CDS2: variants seen among roughly 807,000 people sequenced by gnomAD.
CDS2 encodes the protein phosphatidate cytidylyltransferase 2.
In CDS2, 47 loss-of-function variants were observed where a neutral mutation model predicts 59.0. That is an observed-to-expected ratio of 0.80 (90% CI 0.63 to 1.02). CDS2 has a LOEUF of 1.02. Among genes scored for constraint, CDS2 ranks in the 50% least tolerant of loss-of-function variants. The pLI is 0.00. For missense variants in CDS2, 356 were observed against 558.9 expected, an observed-to-expected ratio of 0.64 and a Z score of 3.66; for synonymous variants, 207 against 206.4, an observed-to-expected ratio of 1.00 and a Z score of -0.02.
Position 5,196,060 on chromosome 20 carries a change from A to T in CDS2, c.*5826A>T, listed in dbSNP as rs981752187. 4 of 152,194 alleles carry T rather than the reference A, an allele frequency of 2.6e-5. No homozygotes were observed. Among genetic ancestry groups the T allele is most frequent in the South Asian group, 2.1e-4 (1 of 4,828 alleles). 9.4% of individuals were successfully genotyped at this position (152,194 alleles called of 1,614,324 possible). The stretch of plus-strand genomic sequence containing the variant: ...AGGTCAGTTGAATAATAACTGAACT[A>T]CTGGTTTGACTGTGGATTATTTCCT... On this transcript the variant is annotated 3_prime_UTR_variant, in exon 13 of 13. Coordinates refer to ENST00000460006, the MANE Select transcript of CDS2 (RefSeq NM_003818.4).
intron 1 of CDS2, among the ~76,000 whole-genome samples, chr20:5,150,092 T>C (rs2090776905): frequency 6.6e-6 from 1 of 152,200 alleles, no homozygotes; most frequent in Non-Finnish European, 1.5e-5. Flanking sequence ...GGGTGTGAAG[T>C]AGAGATCTAA....
At chr20:5,157,376 G>T (rs2090841487) in intron 1 of CDS2, among the ~76,000 whole-genome samples, 1 of 152,102 alleles carries the variant, frequency 6.6e-6, no homozygotes, top group South Asian at 2.1e-4. Context: ...ATGGTTTTAG[G>T]ACAAACATCT....
chr20:5,149,802 G>A (rs978005391), intron 1 of CDS2, among the ~76,000 whole-genome samples: 1 of 151,810 alleles, frequency 6.6e-6, no homozygotes, highest in East Asian at 1.9e-4. Context: ...TGCAACCTCC[G>A]CCCCCCGGGT....
chr20:5,160,543 T>C (rs188159250), intron 1 of CDS2, among the ~76,000 whole-genome samples: 260 of 152,298 alleles, frequency 1.7e-3, no homozygotes, highest in African/African-American at 6.0e-3. Context: ...TTTCTTACTG[T>C]GGCTAAATAT....
intron 5 of CDS2, among the ~76,000 whole-genome samples, chr20:5,180,779 C>T (rs1460275257): frequency 1.3e-5 from 2 of 152,114 alleles, no homozygotes; most frequent in Admixed American, 1.3e-4. Context: ...GACATTTCCC[C>T]CATCACTTTT....
rs566137669 is a variant in CDS2, at chr20:5,196,468, C to G, written c.*6234C>G. ...GCAGGGCCTAGCCTTTTGCAGCCCC[C>G]AGAGGACCTTGCCTGCATAAAGCAC... On this transcript the variant is annotated 3_prime_UTR_variant, in exon 13 of 13. Coordinates refer to ENST00000460006, the MANE Select transcript of CDS2 (RefSeq NM_003818.4). The G allele has an allele frequency of 6.6e-6, 1 of 152,336 alleles. No homozygotes were observed. Among genetic ancestry groups the G allele is most frequent in the East Asian group, 1.9e-4 (1 of 5,184 alleles). The allele number at this position is 152,336 out of a possible 1,614,324, so 9.4% of individuals were successfully genotyped here.
chr20:5,164,921 G>C (rs531574355), intron 1 of CDS2, among the ~76,000 whole-genome samples: 7 of 152,320 alleles, frequency 4.6e-5, no homozygotes, highest in African/African-American at 1.7e-4. Flanking sequence ...GGTACTTCCT[G>C]CAGCTATTTC....
At chr20:5,156,110 G>A (rs780169542) in intron 1 of CDS2, among the ~76,000 whole-genome samples, 4 of 152,096 alleles carry the variant, frequency 2.6e-5, no homozygotes, top group Non-Finnish European at 4.4e-5. Context: ...GAGAAGGGAG[G>A]AATTTGTGGA....
At position 5,134,363 on chromosome 20, in the gene CDS2, G is replaced by GT. The variant is rs2090631680; in HGVS notation, c.57+7215dup. ...GTAGGGTCTGCTATGGACGGTGTCTGTATTTCTGAGAGGGGCTGGTGTTAT... is the reference window on the plus strand; with the variant it reads ...GTAGGGTCTGCTATGGACGGTGTCTGTTATTTCTGAGAGGGGCTGGTGTTAT... On this transcript the variant is annotated intron_variant, in intron 1 of 12. Coordinates refer to ENST00000460006, the MANE Select transcript of CDS2 (RefSeq NM_003818.4). Among the ~76,000 whole-genome samples the GT allele has an allele frequency of 2.6e-5, 4 of 152,144 alleles. 1 individual carries two copies. The highest frequency in any genetic ancestry group is 2.6e-4 in the Admixed American group (4 of 15,270).
intron 1 of CDS2, among the ~76,000 whole-genome samples, chr20:5,151,525 C>T (rs985495255): frequency 6.6e-6 from 1 of 152,030 alleles, no homozygotes; most frequent in East Asian, 1.9e-4. Context: ...ACTTGGGAGG[C>T]TGAAGTGGGA....
chr20:5,172,434 A>G (rs887173327), intron 1 of CDS2, among the ~76,000 whole-genome samples: 11 of 152,248 alleles, frequency 7.2e-5, no homozygotes, highest in Non-Finnish European at 1.0e-4. Context: ...AAAACTCCGT[A>G]GAAAAACTAG....
Position 5,189,198 on chromosome 20 carries a change from G to A in CDS2, c.1101+12G>A, listed in dbSNP as rs375335909. The A allele has an allele frequency of 1.3e-5, 21 of 1,613,728 alleles. No homozygotes were observed. In the Middle Eastern group the frequency reaches 4.9e-4, roughly 38 times the overall value. On this transcript the variant is annotated intron_variant, in intron 11 of 12. Coordinates refer to ENST00000460006, the MANE Select transcript of CDS2 (RefSeq NM_003818.4). The stretch of plus-strand genomic sequence containing the variant: ...CCTTTAAAATCAAAGTAGGAAAACC[G>A]TCTTACGTTCCTCTCATCTCACTCC...
intron 1 of CDS2, among the ~76,000 whole-genome samples, chr20:5,171,318 T>TA (rs1244480959): frequency 6.6e-6 from 1 of 152,168 alleles, no homozygotes; most frequent in East Asian, 1.9e-4. Flanking sequence ...ATGGATAAGT[T>TA]AAAAATAACC....
intron 1 of CDS2, among the ~76,000 whole-genome samples, chr20:5,136,138 G>C (rs2090647990): frequency 6.6e-6 from 1 of 152,096 alleles, no homozygotes; most frequent in African/African-American, 2.4e-5. Flanking sequence ...CCCTGAGTGG[G>C]CAACTCTCAG....
intron 1 of CDS2, among the ~76,000 whole-genome samples, chr20:5,127,452 C>G (rs1172618944): frequency 6.6e-6 from 1 of 152,210 alleles, no homozygotes; most frequent in South Asian, 2.1e-4. Flanking sequence ...GGACTCCCCT[C>G]TCCCCCAACT....
intron 2 of CDS2, among the ~76,000 whole-genome samples, chr20:5,174,163 T>C (rs572838970): frequency 1.3e-5 from 2 of 152,300 alleles, no homozygotes; most frequent in South Asian, 4.1e-4. Context: ...TTTTGGCCCT[T>C]GAGAACCTGG....
intron 1 of CDS2, among the ~76,000 whole-genome samples, chr20:5,148,469 A>G (rs1261170767): frequency 1.3e-5 from 2 of 152,210 alleles, no homozygotes; most frequent in African/African-American, 2.4e-5. Flanking sequence ...CTGTTTTGTT[A>G]CATGTGGAAA....
At chr20:5,189,628 G>A in intron 11 of CDS2, 107 bp from the exon 12 acceptor site, 1 of 739,608 alleles carries the variant, frequency 1.4e-6, no homozygotes. Context: ...ACCTTCTATT[G>A]CCCTCAGCTA....
chr20:5,136,051 G>A (rs1215290930), intron 1 of CDS2, among the ~76,000 whole-genome samples: 1 of 152,100 alleles, frequency 6.6e-6, no homozygotes, highest in Non-Finnish European at 1.5e-5. Flanking sequence ...AGAGTTCCTG[G>A]GACTTGGGAT....
Sources: gnomAD v4.1 joint callset for allele counts (sites outside exome capture counted in the v4.1 genomes callset) on GRCh38, gnomAD v4.1.1 for gene constraint, MANE v1.5 for transcripts, NCBI Gene and HGNC (gene_info 2026-07-23, HGNC 2026-07-21) for gene names.